The following OLAH variants were observed in gnomAD, a reference collection of about 807,000 sequenced individuals.
The protein encoded by OLAH is oleoyl-ACP hydrolase.
OLAH carries 33 observed loss-of-function variants against 27.8 expected under a neutral mutation model. The observed-to-expected ratio is 1.19, with a 90% CI of 0.90 to 1.59. The LOEUF (loss-of-function observed/expected upper bound fraction) is 1.59, where lower values mean the gene tolerates loss of function less well. Ranked by LOEUF, OLAH falls within the 40% of genes most tolerant of loss-of-function variation. The pLI is 0.00. For synonymous variants in OLAH, 120 were observed against 102.9 expected, an observed-to-expected ratio of 1.17 and a Z score of -1.01; for missense variants, 359 against 310.8, an observed-to-expected ratio of 1.16 and a Z score of -1.17.
chr10:15,037,481 T>A (rs1843858715), intron 1 of OLAH, among the ~76,000 whole-genome samples: 1 of 151,188 alleles, frequency 6.6e-6, no homozygotes, highest in South Asian at 2.1e-4. Context: ...CTCAGCAGGC[T>A]AAGGCAGGAG....
chr10:15,065,524 G>C, intron 5 of OLAH, 60 bp from the exon 6 acceptor site: 1 of 1,523,686 alleles, frequency 6.6e-7, no homozygotes, highest in African/African-American at 1.4e-5. Context: ...ACAGTTTTCA[G>C]TTTATGAGCC....
upstream of OLAH, among the ~76,000 whole-genome samples, chr10:15,043,438 C>T (rs1843956652): frequency 6.6e-6 from 1 of 150,764 alleles, no homozygotes; most frequent in African/African-American, 2.4e-5. Flanking sequence ...TTCTGAAAGT[C>T]AATTCACCTT....
upstream of OLAH, among the ~76,000 whole-genome samples, chr10:15,040,221 C>G (rs1843899846): frequency 6.6e-6 from 1 of 152,130 alleles, no homozygotes; most frequent in Non-Finnish European, 1.5e-5. Context: ...CTTTATGGGG[C>G]ACCCTCAATT....
chr10:15,066,553 C>G (rs1000898466), intron 6 of OLAH, among the ~76,000 whole-genome samples: 2 of 151,896 alleles, frequency 1.3e-5, no homozygotes, highest in Admixed American at 1.3e-4. Flanking sequence ...TCTGATAGAA[C>G]TGAAGTCCTG....
At chr10:15,071,730 G>C in intron 6 of OLAH, 65 bp from the exon 7 acceptor site, 1 of 1,500,056 alleles carries the variant, frequency 6.7e-7, no homozygotes, top group Non-Finnish European at 9.2e-7. Context: ...TTGACATTAG[G>C]AACAGGAAAA....
In OLAH at chr10:15,064,261, A is replaced by C. The variant is rs551478569; in HGVS notation, c.303-142A>C. 58 of 608,822 alleles carry C rather than the reference A, an allele frequency of 9.5e-5. No homozygotes were observed. The East Asian group carries it at 1.7e-3, about 18-fold the overall frequency. 37.7% of individuals were successfully genotyped at this position (608,822 alleles called of 1,614,324 possible). A position where few individuals can be genotyped will look rare whatever the true frequency, so the allele number is the denominator to read the frequency against. ...TGCTGATTTAAATCACTGAAAAGAT[A>C]GACTTCTTAATCAACTCACACTTTC... On this transcript the variant is annotated intron_variant, in intron 4 of 7. Coordinates refer to ENST00000378228, the MANE Select transcript of OLAH (RefSeq NM_001039702.3).
chr10:15,059,177 C>T (rs1485916278), intron 3 of OLAH, among the ~76,000 whole-genome samples: 11 of 109,752 alleles, frequency 1.0e-4, no homozygotes, highest in African/African-American at 3.9e-4. Context: ...TTCCTCCCCT[C>T]CCCTTCCCTC....
intron 1 of OLAH, among the ~76,000 whole-genome samples, chr10:15,046,284 C>G (rs947685607): frequency 6.6e-6 from 1 of 151,350 alleles, no homozygotes; most frequent in African/African-American, 2.4e-5. Context: ...CCACTGCACT[C>G]CAGCCTGGGC....
chr10:15,055,943 G>A (rs867413943), intron 3 of OLAH, among the ~76,000 whole-genome samples: 1 of 151,368 alleles, frequency 6.6e-6, no homozygotes, highest in African/African-American at 2.4e-5. Flanking sequence ...TCCACCTCCT[G>A]GGTTCAAGCG....
chr10:15,040,190 T>A (rs184347665), upstream of OLAH, among the ~76,000 whole-genome samples: 1 of 152,298 alleles, frequency 6.6e-6, no homozygotes, highest in Admixed American at 6.5e-5. Context: ...TCCCCAGTCA[T>A]AATCCCATTA....
chr10:15,040,023 T>C (rs1843897703), upstream of OLAH, among the ~76,000 whole-genome samples: 1 of 152,188 alleles, frequency 6.6e-6, no homozygotes, highest in Non-Finnish European at 1.5e-5. Context: ...AGTCTCAGAC[T>C]TTGAAATTTC....
At chr10:15,068,868 T>A (rs1343061918) in intron 6 of OLAH, among the ~76,000 whole-genome samples, 4 of 152,174 alleles carry the variant, frequency 2.6e-5, no homozygotes, top group Non-Finnish European at 5.9e-5. Flanking sequence ...GTTGCTGTGA[T>A]GACCTTGAGT....
chr10:15,071,551 C>G, intron 6 of OLAH: 6 of 985,402 alleles, frequency 6.1e-6, no homozygotes, highest in Non-Finnish European at 6.0e-6. Flanking sequence ...GAACTGTGTG[C>G]CCCAGTGCCA....
At chr10:15,060,287 C>T (rs889513599) in intron 3 of OLAH, among the ~76,000 whole-genome samples, 17 of 152,048 alleles carry the variant, frequency 1.1e-4, no homozygotes, top group Admixed American at 3.9e-4. Context: ...TTCCTGCTTC[C>T]GCCTCCCAAC....
intron 1 of OLAH, among the ~76,000 whole-genome samples, chr10:15,037,518 T>C (rs531811440): frequency 6.7e-6 from 1 of 149,626 alleles, no homozygotes; most frequent in Non-Finnish European, 1.5e-5. Flanking sequence ...AAGGCGGAGG[T>C]TGCGGTGAGC....
intron 3 of OLAH, chr10:15,056,846 C>G (rs1485910252): frequency 6.6e-7 from 1 of 1,511,158 alleles, no homozygotes; most frequent in Non-Finnish European, 8.9e-7. Context: ...ACCATGTTGC[C>G]AAGGCTGGTC....
chr10:15,040,487 C>T (rs748930443), upstream of OLAH, among the ~76,000 whole-genome samples: 4 of 152,122 alleles, frequency 2.6e-5, no homozygotes. Flanking sequence ...GTCCAATGAT[C>T]TCTCCTACAT....
chr10:15,072,621 G>A (rs1198303642), intron 7 of OLAH, among the ~76,000 whole-genome samples: 1 of 152,024 alleles, frequency 6.6e-6, no homozygotes, highest in African/African-American at 2.4e-5. Flanking sequence ...CTTATTACAA[G>A]CTTGGAATGT....
intron 1 of OLAH, among the ~76,000 whole-genome samples, chr10:15,035,026 T>A (rs1422952539): frequency 6.6e-6 from 1 of 152,090 alleles, no homozygotes; most frequent in Non-Finnish European, 1.5e-5. Context: ...GGTCACGAAC[T>A]CCTGACGTCG....
Sources: allele counts gnomAD v4.1 joint callset (sites outside exome capture counted in the v4.1 genomes callset), GRCh38; gene constraint gnomAD v4.1.1; transcripts MANE v1.5; gene names NCBI Gene and HGNC (gene_info 2026-07-23, HGNC 2026-07-21).